EXOC6: variants seen among roughly 807,000 people sequenced by gnomAD.
EXOC6 encodes exocyst complex component 6.
A neutral mutation model predicts 112.5 loss-of-function variants in EXOC6; 60 were observed. The ratio of observed to expected loss-of-function variants is 0.53; its 90% CI spans 0.43 to 0.66. The LOEUF (loss-of-function observed/expected upper bound fraction) is 0.66, where lower values mean the gene tolerates loss of function less well. Among genes scored for constraint, EXOC6 ranks in the 30% least tolerant of loss-of-function variants. The pLI is 0.00. For synonymous variants in EXOC6, 295 were observed against 308.0 expected, an observed-to-expected ratio of 0.96 and a Z score of 0.44; for missense variants, 855 against 957.1, an observed-to-expected ratio of 0.89 and a Z score of 1.41.
At chr10:92,897,514 AG>A (rs1341153911) in intron 4 of EXOC6, among the ~76,000 whole-genome samples, 1 of 152,336 alleles carries the variant, frequency 6.6e-6, no homozygotes, top group African/African-American at 2.4e-5. Flanking sequence ...GAACTGTGTC[AG>A]GCAAACCTGC....
intron 1 of EXOC6, among the ~76,000 whole-genome samples, chr10:92,829,089 G>C (rs181630248): frequency 3.4e-4 from 51 of 152,184 alleles, no homozygotes; most frequent in Non-Finnish European, 7.4e-5. Context: ...AGGCCACCTG[G>C]GACTAAGCAT....
intron 20 of EXOC6, among the ~76,000 whole-genome samples, chr10:93,047,244 A>G (rs1846039238): frequency 1.3e-5 from 2 of 152,084 alleles, no homozygotes; most frequent in South Asian, 4.2e-4. Flanking sequence ...AGGGATGGAA[A>G]GTTGGGAGAG....
chr10:92,922,475 G>C (rs934100794), intron 8 of EXOC6, among the ~76,000 whole-genome samples: 1 of 152,164 alleles, frequency 6.6e-6, no homozygotes, highest in Non-Finnish European at 1.5e-5. Flanking sequence ...TGTTAAAGGG[G>C]TTATTATAAA....
intron 19 of EXOC6, among the ~76,000 whole-genome samples, chr10:93,007,180 A>G (rs1216902930): frequency 6.6e-6 from 1 of 152,188 alleles, no homozygotes; most frequent in Non-Finnish European, 1.5e-5. Context: ...TCCAGTCAAG[A>G]TAAATACTTA....
chr10:92,958,490 T>G (rs987456963), intron 17 of EXOC6, among the ~76,000 whole-genome samples: 1 of 152,212 alleles, frequency 6.6e-6, no homozygotes, highest in Non-Finnish European at 1.5e-5. Flanking sequence ...TGCCTTTTTT[T>G]TGTTTTTGTC....
At chr10:93,027,870 G>A (rs1018434889) in intron 20 of EXOC6, among the ~76,000 whole-genome samples, 1 of 152,212 alleles carries the variant, frequency 6.6e-6, no homozygotes. Flanking sequence ...ATCAAGGAAT[G>A]ATTTCAACTT....
Position 92,934,419 on chromosome 10 carries a change from A to G in EXOC6, c.1129A>G (p.Arg377Gly), listed in dbSNP as rs145734469. 6.3e-7 allele frequency: 1 copy of G among 1,575,960 alleles called. No homozygotes were observed. Among genetic ancestry groups the G allele is most frequent in the Non-Finnish European group, 8.6e-7 (1 of 1,165,598 alleles). Residue 377 changes from arginine (R) to glycine (G), a missense_variant, in exon 11 of 22, where the codon AGA becomes GGA. By Grantham distance (125) the Arg-to-Gly change is moderately radical. This residue lies in a region of EXOC6 where 450 missense variants were observed against 563.5 expected (regional missense o/e 0.80). Coordinates refer to ENST00000260762, the MANE Select transcript of EXOC6 (RefSeq NM_019053.6). ...MALSKIIAVL[R>G]AHSSYCTDPD... ...CCTCTCAAAGATAATTGCTGTCCTT[A>G]GAGCTCATTCAGTAAGTCAGACAAT...
rs769907478 is a variant in EXOC6, at chr10:93,014,261, C to A, written c.2163C>A (p.Leu721=). The A allele has an allele frequency of 6.2e-7, 1 of 1,611,848 alleles. No homozygotes were observed. The highest frequency in any genetic ancestry group is 1.3e-5 in the African/African-American group (1 of 74,796). Residue 721 remains leucine (L), a synonymous_variant, in exon 20 of 22, where the codon CTC becomes CTA. Coordinates refer to ENST00000260762, the MANE Select transcript of EXOC6 (RefSeq NM_019053.6). Reference sequence around the variant, plus strand: ...CCCTGCAGCTAGCATTCATTGACCTCAGACAAGTAAGATATAATAATGTAC... The same window carrying A: ...CCCTGCAGCTAGCATTCATTGACCTAAGACAAGTAAGATATAATAATGTAC... ...GDTLQLAFID[L]RQLLDLFMVW... is the part of the protein sequence containing the mutation.
intron 1 of EXOC6, among the ~76,000 whole-genome samples, chr10:92,839,122 C>T (rs78451774): frequency 0.014 from 2,090 of 151,904 alleles, 44 homozygotes; most frequent in African/African-American, 0.048. Flanking sequence ...CTGAAACTTA[C>T]GGGCAGGTAA....
chr10:92,930,504 A>AATAAT (rs1564839579), intron 9 of EXOC6, among the ~76,000 whole-genome samples: 2 of 149,182 alleles, frequency 1.3e-5, no homozygotes, highest in Admixed American at 1.3e-4. Context: ...ACTCTGTCTC[A>AATAAT]AATAATAATA....
chr10:92,844,037 G>A (rs1467104002), upstream of EXOC6, among the ~76,000 whole-genome samples: 1 of 145,080 alleles, frequency 6.9e-6, no homozygotes, highest in Non-Finnish European at 1.5e-5. Context: ...TGTAGTCCCA[G>A]CTACACAGAA....
intron 6 of EXOC6, among the ~76,000 whole-genome samples, chr10:92,910,616 A>G (rs1850693181): frequency 6.6e-6 from 1 of 152,110 alleles, no homozygotes; most frequent in African/African-American, 2.4e-5. Flanking sequence ...AAAAAAATAA[A>G]CTATAAATAG....
At chr10:93,005,277 AAC>A (rs1843925361) in intron 19 of EXOC6, among the ~76,000 whole-genome samples, 1 of 152,288 alleles carries the variant, frequency 6.6e-6, no homozygotes, top group Admixed American at 6.5e-5. Context: ...TCAGGAAGAT[AAC>A]CAGGAATACA....
intron 14 of EXOC6, among the ~76,000 whole-genome samples, chr10:92,949,493 T>G (rs1853262010): frequency 7.2e-6 from 1 of 138,818 alleles, no homozygotes; most frequent in Non-Finnish European, 1.6e-5. Context: ...CATGGCTTAG[T>G]TTTTTTTTTT....
chr10:92,856,388 C>T (rs180673457), intron 1 of EXOC6, among the ~76,000 whole-genome samples: 5 of 152,072 alleles, frequency 3.3e-5, no homozygotes, highest in Non-Finnish European at 5.9e-5. Flanking sequence ...AACTTTTTGG[C>T]ATGTGTGTTT....
In EXOC6 at chr10:92,974,206, A is replaced by G. The variant is rs763431581; in HGVS notation, c.1927A>G (p.Ile643Val). Residue 643 changes from isoleucine (I) to valine (V), a missense_variant, in exon 18 of 22, where the codon ATC (isoleucine) becomes GTC (valine). Physicochemically the swap from Ile to Val is conservative, Grantham distance 29. Transcript: ENST00000260762. ...LMDLINFLRS[I>V]FQVFTHLPGK... ...GGACCTTATAAATTTTTTGAGAAGC[A>G]TCTTTCAAGTGTTTACTCATTTGCC... 6 of 1,574,002 alleles carry G rather than the reference A, an allele frequency of 3.8e-6. No individual in the cohort carries two copies. The highest frequency in any genetic ancestry group is 5.1e-6 in the Non-Finnish European group (6 of 1,170,142).
At chr10:93,056,783 G>A in intron 20 of EXOC6, 141 bp from the exon 21 acceptor site, 1 of 597,778 alleles carries the variant, frequency 1.7e-6, no homozygotes, top group Non-Finnish European at 3.0e-6. Context: ...TACAGTTAAT[G>A]AAGTTTTAAA....
chr10:93,026,125 T>C (rs1845013961), intron 20 of EXOC6, among the ~76,000 whole-genome samples: 1 of 152,182 alleles, frequency 6.6e-6, no homozygotes. Context: ...ATACCATAAT[T>C]TATGTATATG....
intron 18 of EXOC6, among the ~76,000 whole-genome samples, chr10:92,995,086 A>G (rs1356961956): frequency 7.2e-5 from 11 of 152,096 alleles, no homozygotes; most frequent in Non-Finnish European, 2.9e-5. Flanking sequence ...TATTTTATAA[A>G]TATTTTAATC....
Sources: gnomAD v4.1 joint callset for allele counts (sites outside exome capture counted in the v4.1 genomes callset) on GRCh38, gnomAD v4.1.1 for gene constraint, gnomAD v4.1.1 regional missense constraint, MANE v1.5 for transcripts, NCBI Gene and HGNC (gene_info 2026-07-23, HGNC 2026-07-21) for gene names.